PTPRA: variants seen among roughly 807,000 people sequenced by gnomAD.
The protein encoded by PTPRA is protein tyrosine phosphatase receptor type A, also known as receptor-type tyrosine-protein phosphatase alpha.
PTPRA carries 25 observed loss-of-function variants against 104.8 expected under a neutral mutation model. That is an observed-to-expected ratio of 0.24 (90% CI 0.17 to 0.33). The LOEUF is 0.33. Among genes scored for constraint, PTPRA ranks in the 10% least tolerant of loss-of-function variants. PTPRA has a pLI of 1.00. For missense variants in PTPRA, 765 were observed against 1,015.3 expected, an observed-to-expected ratio of 0.75 and a Z score of 3.35; for synonymous variants, 323 against 368.9, an observed-to-expected ratio of 0.88 and a Z score of 1.43.
chr20:3,021,435 T>A lies in PTPRA; in HGVS notation c.1161+7T>A. 6.2e-7 allele frequency: 1 copy of A among 1,613,868 alleles called. No homozygotes were observed. The highest frequency in any genetic ancestry group is 8.5e-7 in the Non-Finnish European group (1 of 1,179,808). ...GAAGTTCTGCATCCAGCAGGTAGTG[T>A]CTCCTCTGTCCTTTCTCAGTTCTTA... is the stretch of plus-strand genomic sequence containing the variant. On this transcript the variant is annotated splice_region_variant and intron_variant, in intron 14 of 23. Coordinates refer to ENST00000399903, the MANE Select transcript of PTPRA (RefSeq NM_001385305.1).
At chr20:2,894,736 C>T (rs1214600209) in intron 1 of PTPRA, among the ~76,000 whole-genome samples, 1 of 152,068 alleles carries the variant, frequency 6.6e-6, no homozygotes, top group Non-Finnish European at 1.5e-5. Flanking sequence ...CCTGTAATCC[C>T]AGCACTTTGG....
chr20:2,864,702 G>A, the PTPRA span: 3 of 1,591,664 alleles, frequency 1.9e-6, no homozygotes, highest in Admixed American at 1.7e-5. This position sits in a 1 kb window ranked among gnomAD's most constrained non-coding sequence, Gnocchi z 5.2. Flanking sequence ...TGTGGGCTGG[G>A]GCTGTTGGTC....
intron 5 of PTPRA, among the ~76,000 whole-genome samples, chr20:2,972,194 T>A (rs182475446): frequency 6.6e-6 from 1 of 152,286 alleles, no homozygotes. Flanking sequence ...ATCTTCTTAA[T>A]TTTTCTTTTC....
chr20:2,985,891 G>GTTTA (rs1383133727), intron 6 of PTPRA, among the ~76,000 whole-genome samples: 2 of 92,914 alleles, frequency 2.2e-5, no homozygotes, highest in African/African-American at 5.9e-5. Context: ...CTCCTTGTTT[G>GTTTA]TTTGTTTGTT....
At chr20:3,002,646 T>G (rs145055017) in intron 9 of PTPRA, among the ~76,000 whole-genome samples, 1 of 152,272 alleles carries the variant, frequency 6.6e-6, no homozygotes, top group African/African-American at 2.4e-5. Flanking sequence ...TAATTCTAAT[T>G]CCAGAATATG....
chr20:2,923,254 TG>T lies in PTPRA; in HGVS notation c.-79del, dbSNP rs1235459624. Reference sequence around the variant, plus strand: ...AAGGTATTTATGGAATTCCACTGAGTGGTAATGGATGATGCAGTTCAAATAA... The same window carrying T: ...AAGGTATTTATGGAATTCCACTGAGTGTAATGGATGATGCAGTTCAAATAA... On this transcript the variant is annotated 5_prime_UTR_variant, in exon 2 of 24. Transcript: ENST00000399903. 7.8e-7 allele frequency: 1 copy of T among 1,279,092 alleles called. No homozygotes were observed. The highest frequency in any genetic ancestry group is 1.0e-6 in the Non-Finnish European group (1 of 984,924). The allele number at this position is 1,279,092 out of a possible 1,614,324, so 79.2% of individuals were successfully genotyped here.
chr20:2,960,291 C>T (rs949900812), intron 3 of PTPRA, among the ~76,000 whole-genome samples: 7 of 151,178 alleles, frequency 4.6e-5, no homozygotes, highest in African/African-American at 1.7e-4. Context: ...ACTCTGTCCC[C>T]CAGGCCGGAG....
At chr20:2,866,284 G>A in the PTPRA span, 5 of 1,613,970 alleles carry the variant, frequency 3.1e-6, no homozygotes, top group Non-Finnish European at 2.5e-6. Context: ...CGTGGGTCCC[G>A]AGCAGAAGGT....
At chr20:2,955,768 C>A in intron 3 of PTPRA, 1 of 760,374 alleles carries the variant, frequency 1.3e-6, no homozygotes, top group Non-Finnish European at 1.6e-6. Flanking sequence ...ATGTCTGCTG[C>A]CTGGCTAGCT....
chr20:2,957,238 T>C (rs1175779473), intron 3 of PTPRA, among the ~76,000 whole-genome samples: 1 of 152,070 alleles, frequency 6.6e-6, no homozygotes, highest in African/African-American at 2.4e-5. Context: ...TGAGCCGAGA[T>C]CGCGCCACAA....
chr20:2,970,788 C>T (rs1568675731), intron 5 of PTPRA, among the ~76,000 whole-genome samples: 1 of 151,270 alleles, frequency 6.6e-6, no homozygotes, highest in Non-Finnish European at 1.5e-5. Context: ...TAATTTTCTT[C>T]TGGACTTCTA....
At chr20:3,020,606 G>T (rs2064817757) in intron 13 of PTPRA, among the ~76,000 whole-genome samples, 1 of 152,246 alleles carries the variant, frequency 6.6e-6, no homozygotes, top group Non-Finnish European at 1.5e-5. Context: ...CCAAGTGCAT[G>T]CCTGGCCTAA....
intron 7 of PTPRA, 86 bp from the exon 8 acceptor site, chr20:2,987,946 C>A: frequency 8.0e-7 from 1 of 1,250,798 alleles, no homozygotes; most frequent in Non-Finnish European, 1.2e-6. Context: ...TTTAGAAAGG[C>A]TGAATTGATG....
chr20:2,973,007 A>T (rs562425652), intron 5 of PTPRA, among the ~76,000 whole-genome samples: 1 of 152,336 alleles, frequency 6.6e-6, no homozygotes, highest in African/African-American at 2.4e-5. Flanking sequence ...GGTGTGAGCC[A>T]CCACATCTGG....
At chr20:3,012,776 A>G (rs1361396508) in intron 11 of PTPRA, among the ~76,000 whole-genome samples, 2 of 152,076 alleles carry the variant, frequency 1.3e-5, no homozygotes, top group African/African-American at 4.8e-5. Flanking sequence ...GCTAGTTAAC[A>G]CTTATCAAAC....
In PTPRA at chr20:2,968,298, C is replaced by G. The variant is rs2062018249; in HGVS notation, c.415+3096C>G. 3.9e-5 allele frequency among the ~76,000 whole-genome samples: 6 copies of G among 152,172 alleles called. No individual in the cohort carries two copies. The South Asian group carries it at 1.2e-3, about 32-fold the overall frequency. ...TGTTTACCAGGTTTGGAGGATTTTA[C>G]TGCTATCTTAATCCCTAATTGTTTG... On this transcript the variant is annotated intron_variant, in intron 5 of 23. Transcript: ENST00000399903.
intron 2 of PTPRA, among the ~76,000 whole-genome samples, chr20:2,929,685 C>T (rs1275471960): frequency 3.3e-5 from 5 of 151,968 alleles, no homozygotes; most frequent in Admixed American, 6.6e-5. Flanking sequence ...ATTACCCAGG[C>T]GTGGTAGTAC....
Position 3,022,837 on chromosome 20 carries a change from T to G in PTPRA, c.1464+13T>G. 1 of 1,614,066 alleles carries G rather than the reference T, an allele frequency of 6.2e-7. No homozygotes were observed. On this transcript the variant is annotated intron_variant, in intron 16 of 23. Transcript: ENST00000399903. The surrounding 1 kb of genome is among the most constrained non-coding windows in gnomAD (Gnocchi z 4.6). ...GGTGCAAACCGATGTGAGTGATCTG[T>G]GGGTCAGGTGAGGGTGGGGGGTTCC... is the stretch of plus-strand genomic sequence containing the variant.
chr20:2,988,384 G>A lies in PTPRA; in HGVS notation c.648G>A (p.Arg216=), dbSNP rs1373452770. The change falls in exon 9 of 24, where the codon AGG becomes AGA. Residue 216 remains arginine, a synonymous_variant. Transcript: ENST00000399903. Reference sequence around the variant, plus strand: ...TGGCCAGATCCCCAAGCACCAACAGGAAATACCCACCCCTGCCCGTGGACA... The same window carrying A: ...TGGCCAGATCCCCAAGCACCAACAGAAAATACCCACCCCTGCCCGTGGACA... The part of the protein sequence containing the change: ...PLLARSPSTN[R]KYPPLPVDKL... 2 of 1,611,882 alleles carry A rather than the reference G, an allele frequency of 1.2e-6. No homozygotes were observed. The highest frequency in any genetic ancestry group is 1.7e-4 in the Middle Eastern group (1 of 6,046).
Sources: gnomAD v4.1 joint callset for allele counts (sites outside exome capture counted in the v4.1 genomes callset) on GRCh38, gnomAD v4.1.1 for gene constraint, Gnocchi (gnomAD v3.1) non-coding constraint, MANE v1.5 for transcripts, NCBI Gene and HGNC (gene_info 2026-07-23, HGNC 2026-07-21) for gene names.